PCDH15: variants seen among roughly 807,000 people sequenced by gnomAD.
The protein encoded by PCDH15 is protocadherin related 15, also known as protocadherin-15.
A neutral mutation model predicts 178.5 loss-of-function variants in PCDH15; 129 were observed. That is an observed-to-expected ratio of 0.72 (90% CI 0.63 to 0.84). PCDH15 has a LOEUF of 0.84. PCDH15 is among the 40% of genes least tolerant of loss of function. PCDH15 has a pLI of 0.00. For synonymous variants in PCDH15, 800 were observed against 732.0 expected (o/e 1.09, Z -1.50); for missense variants, 2,230 against 2,099.9 (o/e 1.06, Z -1.21).
At chr10:54,349,187 C>A (rs896323768) in intron 5 of PCDH15, among the ~76,000 whole-genome samples, 1 of 152,096 alleles carries the variant, frequency 6.6e-6, no homozygotes, top group Non-Finnish European at 1.5e-5. Context: ...GGTGCCCATG[C>A]CTTTCAATCT....
chr10:55,543,549 A>G (rs1589126714), intron 2 of PCDH15, among the ~76,000 whole-genome samples: 1 of 151,526 alleles, frequency 6.6e-6, no homozygotes, highest in Non-Finnish European at 1.5e-5. Flanking sequence ...ATTACCAAGG[A>G]TATTTAACAG....
intron 26 of PCDH15, among the ~76,000 whole-genome samples, chr10:53,880,361 T>C (rs1192606757): frequency 1.3e-5 from 2 of 152,190 alleles, no homozygotes; most frequent in African/African-American, 4.8e-5. Context: ...GAACACAGGG[T>C]TCACGAAGCA....
intron 5 of PCDH15, among the ~76,000 whole-genome samples, chr10:54,349,690 T>C (rs1457516919): frequency 3.3e-5 from 5 of 152,208 alleles, no homozygotes; most frequent in Non-Finnish European, 7.4e-5. Flanking sequence ...GTTTAATATG[T>C]AGTCCTTTAA....
chr10:54,570,546 G>T (rs2089665875), intron 2 of PCDH15, among the ~76,000 whole-genome samples: 1 of 151,900 alleles, frequency 6.6e-6, no homozygotes, highest in African/African-American at 2.4e-5. Flanking sequence ...TTTCACATTG[G>T]ATTTCTATTT....
At chr10:54,393,908 A>G (rs1484998014) in intron 3 of PCDH15, among the ~76,000 whole-genome samples, 1 of 152,156 alleles carries the variant, frequency 6.6e-6, no homozygotes, top group Non-Finnish European at 1.5e-5. Flanking sequence ...GAAGTGCTCT[A>G]AAGTATGCTT....
chr10:54,452,529 A>G (rs1259927174), intron 3 of PCDH15: 2 of 152,076 alleles, frequency 1.3e-5, no homozygotes, highest in Admixed American at 6.6e-5. Flanking sequence ...CTATTTTTGA[A>G]GAACTGATAT....
chr10:55,380,354 A>G (rs1837504038), intron 2 of PCDH15, among the ~76,000 whole-genome samples: 1 of 152,222 alleles, frequency 6.6e-6, no homozygotes, highest in Non-Finnish European at 1.5e-5. Context: ...CTGGTGATTA[A>G]TGATACAGGG....
chr10:55,450,532 A>T (rs1164860523), intron 2 of PCDH15, among the ~76,000 whole-genome samples: 1 of 152,066 alleles, frequency 6.6e-6, no homozygotes, highest in Non-Finnish European at 1.5e-5. Flanking sequence ...AATGATCAGA[A>T]CTCTTTTGGT....
At chr10:54,119,426 C>T (rs190784792) in intron 15 of PCDH15, among the ~76,000 whole-genome samples, 415 of 151,988 alleles carry the variant, frequency 2.7e-3, no homozygotes, top group Middle Eastern at 0.014. Flanking sequence ...TCTGAAGTAA[C>T]CCAGTCAGAC....
At chr10:54,329,215 C>A (rs550752557) in intron 7 of PCDH15, among the ~76,000 whole-genome samples, 2 of 147,086 alleles carry the variant, frequency 1.4e-5, no homozygotes, top group East Asian at 2.0e-4. Flanking sequence ...TGCAGATATT[C>A]CACTTCCATC....
chr10:55,391,145 A>T (rs780224210), intron 2 of PCDH15, among the ~76,000 whole-genome samples: 6 of 152,160 alleles, frequency 3.9e-5, no homozygotes, highest in African/African-American at 7.2e-5. Flanking sequence ...TAGTGTAGCC[A>T]CACTTATCAA....
At chr10:55,347,773 T>C (rs1284917672) in intron 2 of PCDH15, among the ~76,000 whole-genome samples, 6 of 152,180 alleles carry the variant, frequency 3.9e-5, no homozygotes, top group African/African-American at 1.2e-4. Flanking sequence ...ATTATTTAAG[T>C]CTGTGCCCAC....
intron 2 of PCDH15, among the ~76,000 whole-genome samples, chr10:55,417,608 A>G (rs2132041463): frequency 6.6e-6 from 1 of 151,846 alleles, no homozygotes; most frequent in Middle Eastern, 3.4e-3. Context: ...TTTTAGGAAT[A>G]AAAATTATTC....
In PCDH15 at chr10:55,280,444, A is replaced by ATT. The variant is rs1170034467; in HGVS notation, c.-156+39153_-156+39154dup. On this transcript the variant is annotated intron_variant, in intron 1 of 5. Coordinates refer to the PCDH15 transcript ENST00000458638. Reference sequence around the variant, plus strand: ...TAGGTATCTGACACTGCACCCAGCTATTTTTTTTTTTTTTTTTTTTTTTTA... The same window carrying ATT: ...TAGGTATCTGACACTGCACCCAGCTATTTTTTTTTTTTTTTTTTTTTTTTTTA... Among the ~76,000 whole-genome samples, 294 of 92,036 alleles carry ATT rather than the reference A, an allele frequency of 3.2e-3. 2 individuals are homozygous for ATT. The highest frequency in any genetic ancestry group is 7.2e-3 in the Middle Eastern group (1 of 138). 60.4% of individuals were successfully genotyped at this position (92,036 alleles called of 152,430 possible). A position where few individuals can be genotyped will look rare whatever the true frequency, so the allele number is the denominator to read the frequency against.
intron 2 of PCDH15, among the ~76,000 whole-genome samples, chr10:55,592,955 TTAACG>T (rs1842871499): frequency 6.6e-6 from 1 of 152,082 alleles, no homozygotes; most frequent in Non-Finnish European, 1.5e-5. Context: ...GTCAAATGCC[TTAACG>T]TAATACTACT....
At chr10:54,233,119 T>C (rs1188295580) in intron 9 of PCDH15, among the ~76,000 whole-genome samples, 1 of 151,930 alleles carries the variant, frequency 6.6e-6, no homozygotes, top group Non-Finnish European at 1.5e-5. Flanking sequence ...AATTCTTGTA[T>C]TTTTTGTAGA....
chr10:54,456,674 G>A (rs2076843849), intron 3 of PCDH15, among the ~76,000 whole-genome samples: 1 of 152,104 alleles, frequency 6.6e-6, no homozygotes, highest in South Asian at 2.1e-4. Flanking sequence ...ATTTGGGAGG[G>A]ACTAGGGGTA....
intron 21 of PCDH15, among the ~76,000 whole-genome samples, chr10:53,976,441 A>G (rs12763785): frequency 0.34 from 51,787 of 151,994 alleles, 10,494 homozygotes; most frequent in Middle Eastern, 0.57. Context: ...GACCTTATCA[A>G]ACACCAACCT....
chr10:54,417,040 T>G (rs1263699151), intron 3 of PCDH15, among the ~76,000 whole-genome samples: 2 of 152,230 alleles, frequency 1.3e-5, no homozygotes, highest in Middle Eastern at 3.4e-3. Context: ...GATGGGAGAC[T>G]GCAAAAATTT....
Sources: allele counts gnomAD v4.1 joint callset (sites outside exome capture counted in the v4.1 genomes callset), GRCh38; gene constraint gnomAD v4.1.1; transcripts MANE v1.5; gene names NCBI Gene and HGNC (gene_info 2026-07-23, HGNC 2026-07-21).